Variants in KCNN3 observed in about 807,000 individuals in gnomAD.
KCNN3 encodes the protein potassium calcium-activated channel subfamily N member 3.
In KCNN3, 16 loss-of-function variants were observed where a neutral mutation model predicts 62.9. That is an observed-to-expected ratio of 0.25 (90% CI 0.17 to 0.39). The LOEUF (loss-of-function observed/expected upper bound fraction) is 0.39. Among genes scored for constraint, KCNN3 ranks in the 10% least tolerant of loss-of-function variants. The probability of loss-of-function intolerance (pLI) is 1.00; values close to 1 mark genes in which losing one functional copy is unlikely to be tolerated. For synonymous variants in KCNN3, 370 were observed against 389.2 expected (o/e 0.95, Z 0.58); for missense variants, 599 against 949.4 (o/e 0.63, Z 4.85).
chr1:154,826,825 T>C (rs1405317440), intron 1 of KCNN3, among the ~76,000 whole-genome samples: 1 of 152,182 alleles, frequency 6.6e-6, no homozygotes, highest in Non-Finnish European at 1.5e-5. Flanking sequence ...GTTTGGGTCA[T>C]CGCAAAAAGG....
intron 2 of KCNN3, among the ~76,000 whole-genome samples, chr1:154,801,863 G>C (rs1557983330): frequency 6.6e-6 from 1 of 152,222 alleles, no homozygotes; most frequent in African/African-American, 2.4e-5. Flanking sequence ...TCAGCACCAA[G>C]TCGGGGCGCG....
At chr1:154,731,756 T>G (rs1700598321) in intron 4 of KCNN3, among the ~76,000 whole-genome samples, 1 of 152,134 alleles carries the variant, frequency 6.6e-6, no homozygotes, top group South Asian at 2.1e-4. Flanking sequence ...GGGGCTGTCC[T>G]TGGGAGGGTT....
chr1:154,752,540 A>G (rs1189956295), intron 3 of KCNN3, among the ~76,000 whole-genome samples: 1 of 152,132 alleles, frequency 6.6e-6, no homozygotes, highest in Admixed American at 6.5e-5. Flanking sequence ...TTACCTCCCA[A>G]AGCCTCCATT....
intron 3 of KCNN3, among the ~76,000 whole-genome samples, chr1:154,760,107 G>A (rs1339291153): frequency 6.6e-6 from 1 of 151,892 alleles, no homozygotes; most frequent in Non-Finnish European, 1.5e-5. Flanking sequence ...CCGCCTCTCA[G>A]GTTCAAGCGA....
At chr1:154,786,015 G>A (rs191543510) in intron 2 of KCNN3, among the ~76,000 whole-genome samples, 1 of 152,274 alleles carries the variant, frequency 6.6e-6, no homozygotes. Flanking sequence ...TTTAAACCAA[G>A]AGGCCACACT....
At chr1:154,749,525 T>A (rs913014461) in intron 3 of KCNN3, among the ~76,000 whole-genome samples, 1 of 152,090 alleles carries the variant, frequency 6.6e-6, no homozygotes, top group East Asian at 1.9e-4. Flanking sequence ...CCCAGAGCAG[T>A]GGGGTTCCCA....
At chr1:154,834,949 C>T (rs547182919) in intron 1 of KCNN3, among the ~76,000 whole-genome samples, 11 of 152,310 alleles carry the variant, frequency 7.2e-5, no homozygotes, top group South Asian at 2.1e-4. Context: ...CTACTTCTTT[C>T]CCCCTGAGCT....
rs370344180 is a variant in KCNN3, at chr1:154,848,363, G to A, written c.933+20669C>T. Among the ~76,000 whole-genome samples, 10 of 152,068 alleles carry A rather than the reference G, an allele frequency of 6.6e-5. No individual in the cohort carries two copies. In the East Asian group the frequency reaches 7.8e-4, roughly 12 times the overall value. On this transcript the variant is annotated intron_variant, in intron 1 of 7. Transcript: ENST00000271915. ...CCATATCTTCCCTTCCCACTGCCCC[G>A]AGCTGGGTTCAAGCCTTCATTCCTC...
chr1:154,782,091 G>T (rs1019494706), intron 2 of KCNN3, among the ~76,000 whole-genome samples: 1 of 152,200 alleles, frequency 6.6e-6, no homozygotes, highest in African/African-American at 2.4e-5. Flanking sequence ...AGAGATAAAA[G>T]AAAGAAGACC....
At chr1:154,815,713 T>A (rs1229148401) in intron 2 of KCNN3, among the ~76,000 whole-genome samples, 1 of 152,252 alleles carries the variant, frequency 6.6e-6, no homozygotes, top group Non-Finnish European at 1.5e-5. Flanking sequence ...GGTCAGTACG[T>A]GCTCTGCTAT....
At chr1:154,829,251 T>C (rs1571317513) in intron 1 of KCNN3, among the ~76,000 whole-genome samples, 1 of 152,244 alleles carries the variant, frequency 6.6e-6, no homozygotes, top group East Asian at 1.9e-4. Context: ...CAGCCAGGAA[T>C]GGGCAGGAAG....
At chr1:154,822,221 G>A (rs369478489) in intron 1 of KCNN3, 37 bp from the exon 2 acceptor site, 33 of 1,441,886 alleles carry the variant, frequency 2.3e-5, no homozygotes, top group Admixed American at 1.5e-4. Context: ...TAGGGAGTGC[G>A]GGGAAAGGAG....
intron 3 of KCNN3, among the ~76,000 whole-genome samples, chr1:154,738,297 A>G (rs1402755152): frequency 6.6e-6 from 1 of 152,262 alleles, no homozygotes; most frequent in Non-Finnish European, 1.5e-5. Context: ...TTTGACAGCA[A>G]CACTGGAAGC....
chr1:154,831,843 T>A (rs1651389000), intron 1 of KCNN3, among the ~76,000 whole-genome samples: 1 of 152,136 alleles, frequency 6.6e-6, no homozygotes, highest in Non-Finnish European at 1.5e-5. Flanking sequence ...TCCCGGTGTC[T>A]ATGTCAATGA....
intron 2 of KCNN3, among the ~76,000 whole-genome samples, chr1:154,808,330 C>T (rs1341896420): frequency 6.6e-6 from 1 of 152,168 alleles, no homozygotes. Context: ...GAGCCCTGAG[C>T]TTCTGCATTC....
At chr1:154,789,829 A>G (rs1014229218) in intron 2 of KCNN3, among the ~76,000 whole-genome samples, 3 of 152,084 alleles carry the variant, frequency 2.0e-5, no homozygotes, top group African/African-American at 4.8e-5. Flanking sequence ...ACAGAAACAC[A>G]CCATGTATTG....
chr1:154,760,875 C>CCGCGAAGAAGCACTCCGGCCA (rs1437402448), intron 3 of KCNN3, among the ~76,000 whole-genome samples: 85 of 152,382 alleles, frequency 5.6e-4, no homozygotes, highest in African/African-American at 1.8e-3. Context: ...CACTCCGGCC[C>CCGCGAAGAAGCACTCCGGCCA]CGCAAAGGCG....
chr1:154,758,175 G>T (rs1341925445), intron 3 of KCNN3, among the ~76,000 whole-genome samples: 2 of 152,190 alleles, frequency 1.3e-5, no homozygotes, highest in Non-Finnish European at 1.5e-5. Flanking sequence ...GGATTGGATA[G>T]TCTTTTAAAG....
intron 1 of KCNN3, chr1:154,868,016 T>C: frequency 2.0e-6 from 2 of 985,426 alleles, no homozygotes; most frequent in Non-Finnish European, 2.4e-6. Flanking sequence ...ACTGAGAGGC[T>C]GGAGCAGTGG....
Sources: gnomAD v4.1 joint callset for allele counts (sites outside exome capture counted in the v4.1 genomes callset) on GRCh38, gnomAD v4.1.1 for gene constraint, MANE v1.5 for transcripts, NCBI Gene and HGNC (gene_info 2026-07-23, HGNC 2026-07-21) for gene names.